Variants in CPA1 observed in about 807,000 individuals in gnomAD.
The protein encoded by CPA1 is carboxypeptidase A1.
A neutral mutation model predicts 48.7 loss-of-function variants in CPA1; 42 were observed. The observed-to-expected ratio is 0.86, with a 90% CI of 0.67 to 1.11. The LOEUF (loss-of-function observed/expected upper bound fraction) is 1.11, where lower values mean the gene tolerates loss of function less well. Among genes scored for constraint, CPA1 ranks in the 50% most tolerant of loss-of-function variants. CPA1 has a pLI of 0.00. For synonymous variants in CPA1, 203 were observed against 217.9 expected, an observed-to-expected ratio of 0.93 and a Z score of 0.60; for missense variants, 477 against 544.7, an observed-to-expected ratio of 0.88 and a Z score of 1.24.
At position 130,385,869 on chromosome 7, in the gene CPA1, C is replaced by T; in HGVS notation, c.1018C>T (p.Leu340=). ...GCTTTCCAAGGCTGCTGTGACAGCC[C>T]TGGCCTCTCTCTACGGGACCAAGTT... The part of the protein sequence containing the change: ...DQLSKAAVTA[L]ASLYGTKFNY... The change falls in exon 9 of 10, where the codon CTG becomes TTG. Residue 340 remains leucine, a synonymous_variant. Coordinates refer to ENST00000011292, the MANE Select transcript of CPA1 (RefSeq NM_001868.4). 1 of 1,614,160 alleles carries T rather than the reference C, an allele frequency of 6.2e-7. No homozygotes were observed. The highest frequency in any genetic ancestry group is 2.2e-5 in the East Asian group (1 of 44,880).
At chr7:130,383,517 C>A in intron 5 of CPA1, 25 bp downstream of exon 5, 1 of 1,581,356 alleles carries the variant, frequency 6.3e-7, no homozygotes, top group Non-Finnish European at 8.7e-7. Context: ...GTGAGGAGGG[C>A]TCTCACCTGG....
At chr7:130,380,874 T>C in intron 1 of CPA1, 2 of 591,546 alleles carry the variant, frequency 3.4e-6, no homozygotes, top group South Asian at 4.1e-5. Context: ...AAACTGGGAT[T>C]GAGATAGTAA....
At position 130,384,557 on chromosome 7, in the gene CPA1, C is replaced by T. The variant is rs200036285; in HGVS notation, c.718C>T (p.Arg240Trp). ...TCAGAATCGCATGTGGCGCAAGACT[C>T]GGTCCCACACAGCAGGCTCCCTCTG... ...HSTNRMWRKT[R>W]SHTAGSLCIG... Residue 240 changes from arginine (R) to tryptophan (W), a missense_variant, in exon 7 of 10, where the codon CGG becomes TGG. Arg to Trp is a moderately radical substitution (Grantham distance 101). Coordinates refer to ENST00000011292, the MANE Select transcript of CPA1 (RefSeq NM_001868.4). 1.7e-5 allele frequency: 28 copies of T among 1,614,226 alleles called. No homozygotes were observed. Among genetic ancestry groups the T allele is most frequent in the Admixed American group, 6.7e-5 (4 of 60,036 alleles).
chr7:130,387,965 T>A lies in CPA1; in HGVS notation c.1214T>A (p.Leu405Gln), dbSNP rs1796502181. 2 of 1,614,006 alleles carry A rather than the reference T, an allele frequency of 1.2e-6. No homozygotes were observed. Among genetic ancestry groups the A allele is most frequent in the Admixed American group, 3.3e-5 (2 of 60,002 alleles). ...QIIPTAKETW[L>Q]ALLTIMEHTL... ...ATCCCCACAGCCAAGGAGACGTGGC[T>A]GGCGCTTCTGACCATCATGGAGCAC... The change falls in exon 10 of 10, where the codon CTG becomes CAG. Residue 405 changes from leucine (L) to glutamine (Q), a missense_variant. Transcript: ENST00000011292. This position sits in a 1 kb window ranked among gnomAD's most constrained non-coding sequence, Gnocchi z 4.6.
rs1554411012 is a variant in CPA1 at position 130,380,510 on chromosome 7, C to CCGG, written c.-9_-7dup. On this transcript the variant is annotated 5_prime_UTR_variant, in exon 1 of 10. Transcript: ENST00000011292. ...CTCGACCTCAGTCTGACCTTCCCTC[C>CCGG]CGGCAGCAGCATGCGGGGGTTGCTG... 2.3e-6 allele frequency: 3 copies of CCGG among 1,313,848 alleles called. No individual in the cohort carries two copies. Among genetic ancestry groups the CCGG allele is most frequent in the Non-Finnish European group, 2.9e-6 (3 of 1,022,608 alleles). The allele number at this position is 1,313,848 out of a possible 1,614,324, so 81.4% of individuals were successfully genotyped here.
At chr7:130,384,261 T>C in intron 6 of CPA1, 1 of 532,158 alleles carries the variant, frequency 1.9e-6, no homozygotes, top group Non-Finnish European at 3.4e-6. Flanking sequence ...TAGAACCCTC[T>C]GGCCAAATGC....
At chr7:130,383,870 A>G in intron 6 of CPA1, 76 bp downstream of exon 6, 6 of 1,082,238 alleles carry the variant, frequency 5.5e-6, no homozygotes, top group Non-Finnish European at 8.6e-6. Flanking sequence ...GTTCACCCCT[A>G]ATCTCAAGCC....
chr7:130,385,277 A>G lies in CPA1; in HGVS notation c.919A>G (p.Ser307Gly), dbSNP rs1796460180. ...GNIKAFISIH[S>G]YSQLLMYPYG... ...CATCAAGGCCTTCATCTCCATCCACAGCTACTCCCAGCTCCTCATGTATCC... is the reference window on the plus strand; with the variant it reads ...CATCAAGGCCTTCATCTCCATCCACGGCTACTCCCAGCTCCTCATGTATCC... The change falls in exon 8 of 10, where the codon AGC (serine) becomes GGC (glycine). Residue 307 changes from serine (S) to glycine (G), a missense_variant. Coordinates refer to ENST00000011292, the MANE Select transcript of CPA1 (RefSeq NM_001868.4). 1.9e-6 allele frequency: 3 copies of G among 1,614,230 alleles called. No individual in the cohort carries two copies. The highest frequency in any genetic ancestry group is 2.5e-6 in the Non-Finnish European group (3 of 1,180,032).
chr7:130,383,605 G>T, intron 5 of CPA1, 79 bp from the exon 6 acceptor site: 3 of 1,414,932 alleles, frequency 2.1e-6, no homozygotes, highest in Non-Finnish European at 3.0e-6. Context: ...CAGAGGACAT[G>T]GGGAAAGGTG....
At chr7:130,383,297 T>C in intron 4 of CPA1, 94 bp from the exon 5 acceptor site, 1 of 882,824 alleles carries the variant, frequency 1.1e-6, no homozygotes, top group Non-Finnish European at 1.9e-6. Flanking sequence ...AGAGAGCAGG[T>C]GGTCTCTGGC....
In CPA1 at chr7:130,385,140, C is replaced by A; in HGVS notation, c.788-6C>A. On this transcript the variant is annotated splice_region_variant and splice_polypyrimidine_tract_variant and intron_variant, in intron 7 of 9. Coordinates refer to ENST00000011292, the MANE Select transcript of CPA1 (RefSeq NM_001868.4). ...CCACACCGCCATGCCCTCTGTCCCC[C>A]CACAGTGTCCGGAGCCAGCAGTAAC... The A allele has an allele frequency of 1.2e-6, 2 of 1,614,038 alleles. No individual in the cohort carries two copies. Among genetic ancestry groups the A allele is most frequent in the Non-Finnish European group, 1.7e-6 (2 of 1,179,998 alleles).
At position 130,385,182 on chromosome 7, in the gene CPA1, A is replaced by G. The variant is rs1414231138; in HGVS notation, c.824A>G (p.Tyr275Cys). The change falls in exon 8 of 10, where the codon TAC becomes TGC. Residue 275 changes from tyrosine (Y) to cysteine (C), a missense_variant. Coordinates refer to ENST00000011292, the MANE Select transcript of CPA1 (RefSeq NM_001868.4). ...GASSNPCSET[Y>C]HGKFANSEVE... ...AGCAGTAACCCCTGCTCGGAGACTTACCACGGCAAGTTTGCCAATTCCGAA... is the reference window on the plus strand; with the variant it reads ...AGCAGTAACCCCTGCTCGGAGACTTGCCACGGCAAGTTTGCCAATTCCGAA... The G allele has an allele frequency of 6.2e-7, 1 of 1,614,100 alleles. No homozygotes were observed. The highest frequency in any genetic ancestry group is 8.5e-7 in the Non-Finnish European group (1 of 1,180,040).
chr7:130,380,832 G>T, intron 1 of CPA1: 1 of 570,866 alleles, frequency 1.8e-6, no homozygotes, highest in Non-Finnish European at 3.1e-6. Flanking sequence ...GAAAGGAGGA[G>T]GCCTGGCTGG....
At chr7:130,384,467 A>ACCCC (rs3043750) in intron 6 of CPA1, 69 bp from the exon 7 acceptor site, 9 of 1,376,038 alleles carry the variant, frequency 6.5e-6, no homozygotes, top group Non-Finnish European at 8.3e-6. Context: ...CCTCTGAACC[A>ACCCC]CCCCCCACCC....
Position 130,387,962 on chromosome 7 carries a change from G to A in CPA1, c.1211G>A (p.Trp404Ter). Residue 404 changes from tryptophan (W) to a stop codon, truncating the protein, a stop_gained, in exon 10 of 10, where the codon TGG becomes TAG. Transcript: ENST00000011292. LOFTEE classifies it high-confidence loss of function. This position sits in a 1 kb window ranked among gnomAD's most constrained non-coding sequence, Gnocchi z 4.6. ...ATCATCCCCACAGCCAAGGAGACGT[G>A]GCTGGCGCTTCTGACCATCATGGAG... ...SQIIPTAKET[W>*]LALLTIMEHT... 1.2e-6 allele frequency: 2 copies of A among 1,614,066 alleles called. No individual in the cohort carries two copies. Among genetic ancestry groups the A allele is most frequent in the Non-Finnish European group, 1.7e-6 (2 of 1,180,002 alleles).
chr7:130,386,198 T>A (rs1224623447), intron 9 of CPA1, among the ~76,000 whole-genome samples: 1 of 152,020 alleles, frequency 6.6e-6, no homozygotes, highest in African/African-American at 2.4e-5. Flanking sequence ...TGGAGAGTCC[T>A]GCTGGGATTT....
Position 130,382,213 on chromosome 7 carries a change from A to G in CPA1, c.483+4A>G, listed in dbSNP as rs782614316. ...GCGTCCCATTTACGTGCTGAAGGTA[A>G]CATCCACATGTGGACATACACAGGG... On this transcript the variant is annotated splice_donor_region_variant and intron_variant, in intron 4 of 9. Transcript: ENST00000011292. The G allele has an allele frequency of 6.2e-7, 1 of 1,611,106 alleles. No individual in the cohort carries two copies. The highest frequency in any genetic ancestry group is 1.1e-5 in the South Asian group (1 of 91,018).
intron 1 of CPA1, chr7:130,380,799 G>C (rs1012538957): frequency 1.8e-6 from 1 of 548,160 alleles, no homozygotes; most frequent in Non-Finnish European, 3.2e-6. Flanking sequence ...CCTGAGCTCT[G>C]AGGAGGAGTT....
At chr7:130,381,208 G>C in intron 2 of CPA1, 29 bp downstream of exon 2, 1 of 1,564,408 alleles carries the variant, frequency 6.4e-7, no homozygotes, top group Non-Finnish European at 8.8e-7. Flanking sequence ...GGCTCTCTGA[G>C]GCCCCAGGGT....
Sources: gnomAD v4.1 joint callset for allele counts (sites outside exome capture counted in the v4.1 genomes callset) on GRCh38, gnomAD v4.1.1 for gene constraint, Gnocchi (gnomAD v3.1) non-coding constraint, MANE v1.5 for transcripts, NCBI Gene and HGNC (gene_info 2026-07-23, HGNC 2026-07-21) for gene names.